The following SBNO2 variants were observed in gnomAD, a reference collection of about 807,000 sequenced individuals.
The protein encoded by SBNO2 is strawberry notch homolog 2.
In SBNO2, 89 loss-of-function variants were observed where a neutral mutation model predicts 146.3. The observed-to-expected ratio is 0.61, with a 90% CI of 0.51 to 0.73. The LOEUF (loss-of-function observed/expected upper bound fraction) is 0.73, where lower values mean the gene tolerates loss of function less well. Ranked by LOEUF, SBNO2 falls within the 30% of genes least tolerant of loss-of-function variation. The probability of loss-of-function intolerance (pLI) is 0.00; values close to 1 mark genes in which losing one functional copy is unlikely to be tolerated. For synonymous variants in SBNO2, 1,147 were observed against 892.6 expected (o/e 1.29, Z -5.08); for missense variants, 2,092 against 2,003.7 (o/e 1.04, Z -0.84).
intron 4 of SBNO2, among the ~76,000 whole-genome samples, chr19:1,130,431 G>A (rs1255510005): frequency 3.3e-5 from 5 of 152,144 alleles, no homozygotes; most frequent in African/African-American, 9.7e-5. Flanking sequence ...GGTCGAGGCT[G>A]CAGTGAGCTA....
At chr19:1,165,236 A>G (rs1156357621) in intron 1 of SBNO2, among the ~76,000 whole-genome samples, 7 of 152,138 alleles carry the variant, frequency 4.6e-5, no homozygotes, top group Admixed American at 4.6e-4. Context: ...CTGACCCCAC[A>G]GCCCCACCAG....
At chr19:1,128,263 T>C (rs1450887150) in intron 4 of SBNO2, 1 of 479,890 alleles carries the variant, frequency 2.1e-6, no homozygotes, top group Non-Finnish European at 4.1e-6. Context: ...GCAGCTCGGG[T>C]CTGGGGTGAG....
chr19:1,110,833 C>T lies in SBNO2; in HGVS notation c.2940G>A (p.Gln980=), dbSNP rs533099576. The change falls in exon 26 of 32, where the codon CAG becomes CAA. Residue 980 remains glutamine, a synonymous_variant. Transcript: ENST00000361757. The surrounding 1 kb of genome is among the most constrained non-coding windows in gnomAD (Gnocchi z 4.9). ...NRILGLEVHK[Q]NALFQYFSDT... ...CTGAGAAGTACTGGAACAGGGCGTT[C>T]TGCTTGTGCACCTCCAGCCCCAGGA... 6.2e-7 allele frequency: 1 copy of T among 1,613,710 alleles called. No homozygotes were observed. Among genetic ancestry groups the T allele is most frequent in the African/African-American group, 1.3e-5 (1 of 75,010 alleles).
chr19:1,117,430 A>G lies in SBNO2; in HGVS notation c.1597T>C (p.Trp533Arg), dbSNP rs1222720535. The change falls in exon 15 of 32, where the codon TGG (tryptophan) becomes CGG (arginine). Residue 533 changes from tryptophan (W) to arginine (R), a missense_variant. Physicochemically the swap from Trp to Arg is moderately radical, Grantham distance 101. Transcript: ENST00000361757. ...TGGTGTGCCGACCAGAACTGGCCCCACAGGGACTTGCGCGACTCCAGGCCG... is the reference window on the plus strand; with the variant it reads ...TGGTGTGCCGACCAGAACTGGCCCCGCAGGGACTTGCGCGACTCCAGGCCG... ...WIGLESRKSL[W>R]GQFWSAHQRF... 2.5e-6 allele frequency: 4 copies of G among 1,591,046 alleles called. No homozygotes were observed. Among genetic ancestry groups the G allele is most frequent in the Non-Finnish European group, 3.4e-6 (4 of 1,170,318 alleles).
In SBNO2 at chr19:1,119,746, G is replaced by A. The variant is rs933551996; in HGVS notation, c.1268-125C>T. 5 of 985,496 alleles carry A rather than the reference G, an allele frequency of 5.1e-6. No homozygotes were observed. The African/African-American group carries it at 6.4e-5, about 13-fold the overall frequency. 61.0% of individuals were successfully genotyped at this position (985,496 alleles called of 1,614,324 possible). A position where few individuals can be genotyped will look rare whatever the true frequency, so the allele number is the denominator to read the frequency against. On this transcript the variant is annotated intron_variant, in intron 12 of 31. Coordinates refer to ENST00000361757, the MANE Select transcript of SBNO2 (RefSeq NM_014963.3). ...GGTTGGAGCCATGGGCCTGAAGAGA[G>A]CCAGCGTGGCCTTGGGACAGGCGCA...
At chr19:1,129,791 A>C (rs901307315) in intron 4 of SBNO2, among the ~76,000 whole-genome samples, 14 of 152,122 alleles carry the variant, frequency 9.2e-5, no homozygotes, top group African/African-American at 3.1e-4. Context: ...CAGGGAGCGC[A>C]GGCAGAGCGG....
intron 6 of SBNO2, 102 bp downstream of exon 6, chr19:1,123,840 G>C: frequency 1.6e-6 from 2 of 1,286,828 alleles, no homozygotes; most frequent in African/African-American, 3.0e-5. Flanking sequence ...CCAGCTTCTA[G>C]GCCAGCCAAG....
chr19:1,117,358 C>T lies in SBNO2; in HGVS notation c.1669G>A (p.Val557Met). 6.3e-7 allele frequency: 1 copy of T among 1,580,534 alleles called. No homozygotes were observed. Among genetic ancestry groups the T allele is most frequent in the South Asian group, 1.2e-5 (1 of 85,950 alleles). ...GCCAGCTCCTCTCGGGCCAGCTCCACCAGCCGGCGCACCTTGGCTGCGATG... is the reference window on the plus strand; with the variant it reads ...GCCAGCTCCTCTCGGGCCAGCTCCATCAGCCGGCGCACCTTGGCTGCGATG... ...LCIAAKVRRL[V>M]ELAREELARD... The change falls in exon 15 of 32, where the codon GTG becomes ATG. Residue 557 changes from valine to methionine, a missense_variant. Coordinates refer to ENST00000361757, the MANE Select transcript of SBNO2 (RefSeq NM_014963.3).
intron 8 of SBNO2, 49 bp from the exon 9 acceptor site, chr19:1,122,840 C>T (rs1387216047): frequency 2.6e-6 from 4 of 1,537,966 alleles, no homozygotes; most frequent in African/African-American, 1.4e-5. Flanking sequence ...GGCCCGGCCC[C>T]TCCCCAGGGG....
In SBNO2 at chr19:1,149,414, T is replaced by C. The variant is rs893878800; in HGVS notation, c.122A>G (p.Asn41Ser). The part of the protein sequence containing the change: ...QSAMLHCPYW[N>S]TFSLPPYPAF... The stretch of plus-strand genomic sequence containing the variant: ...AGGGTATGGCGGCAGCGAGAAGGTG[T>C]TCCAGTAGGGGCAGTGCAGCATGGC... The change falls in exon 3 of 32, where the codon AAC (asparagine) becomes AGC (serine). Residue 41 changes from asparagine (N) to serine (S), a missense_variant. By Grantham distance (46) the Asn-to-Ser change is conservative. Coordinates refer to ENST00000361757, the MANE Select transcript of SBNO2 (RefSeq NM_014963.3). 78 of 1,552,054 alleles carry C rather than the reference T, an allele frequency of 5.0e-5. 1 individual carries two copies. Among genetic ancestry groups the C allele is most frequent in the Non-Finnish European group, 6.3e-5 (72 of 1,148,174 alleles).
rs2080299472 is a variant in SBNO2 at position 1,157,245 on chromosome 19, C to T, written c.-126-2843G>A. Among the ~76,000 whole-genome samples the T allele has an allele frequency of 6.6e-6, 1 of 151,954 alleles. No homozygotes were observed. The highest frequency in any genetic ancestry group is 2.4e-5 in the African/African-American group (1 of 41,420). ...GACCACGCCATGTCTCTGGGGCATC[C>T]AGCTGCCCCAATCCCCAGGATAAAC... On this transcript the variant is annotated intron_variant, in intron 1 of 31. Coordinates refer to ENST00000361757, the MANE Select transcript of SBNO2 (RefSeq NM_014963.3). The surrounding 1 kb of genome is among the most constrained non-coding windows in gnomAD (Gnocchi z 6.8).
At chr19:1,151,919 T>A (rs1445441588) in intron 2 of SBNO2, among the ~76,000 whole-genome samples, 1 of 152,184 alleles carries the variant, frequency 6.6e-6, no homozygotes, top group Non-Finnish European at 1.5e-5. Flanking sequence ...CACCTCGGCC[T>A]CCCAGAGTGC....
chr19:1,113,485 C>T, intron 19 of SBNO2, 50 bp downstream of exon 19: 1 of 1,469,190 alleles, frequency 6.8e-7, no homozygotes, highest in Non-Finnish European at 9.2e-7. Flanking sequence ...GAAGCCCCAC[C>T]CACTGCCCAT....
At position 1,157,906 on chromosome 19, in the gene SBNO2, GATAACT is replaced by G. The variant is rs1267663602; in HGVS notation, c.-126-3510_-126-3505del. On this transcript the variant is annotated intron_variant, in intron 1 of 31. Coordinates refer to ENST00000361757, the MANE Select transcript of SBNO2 (RefSeq NM_014963.3). This position sits in a 1 kb window ranked among gnomAD's most constrained non-coding sequence, Gnocchi z 6.8. ...CTCCCAGCTCTCTCTCCTGAGTCCG[GATAACT>G]GTCCGCCTCCCAGCTCTCTCCTGAG... Among the ~76,000 whole-genome samples the G allele has an allele frequency of 6.2e-5, 9 of 144,448 alleles. No homozygotes were observed. The highest frequency in any genetic ancestry group is 2.4e-4 in the African/African-American group (9 of 38,060). The allele number at this position is 144,448 out of a possible 152,430, so 94.8% of individuals were successfully genotyped here.
rs972359643 is a variant in SBNO2, at chr19:1,108,115, G to A, written c.*105C>T. ...TGAAGGCACTGCGGCCAGGGCCTAG[G>A]GCTCCTCTGAGCAGTGGTCAGGGGA... On this transcript the variant is annotated 3_prime_UTR_variant, in exon 32 of 32. Transcript: ENST00000361757. 1.2e-5 allele frequency: 15 copies of A among 1,254,796 alleles called. No homozygotes were observed. Among genetic ancestry groups the A allele is most frequent in the East Asian group, 3.9e-5 (1 of 25,680 alleles). The allele number at this position is 1,254,796 out of a possible 1,614,324, so 77.7% of individuals were successfully genotyped here. A position where few individuals can be genotyped will look rare whatever the true frequency, so the allele number is the denominator to read the frequency against.
At chr19:1,172,785 C>CCCCCCCCCCCCCA (rs1555730539) in intron 1 of SBNO2, among the ~76,000 whole-genome samples, 2 of 92,266 alleles carry the variant, frequency 2.2e-5, no homozygotes. Flanking sequence ...ACCGCCCCCC[C>CCCCCCCCCCCCCA]CGCCCCGGCA....
rs1568659815 is a variant in SBNO2 at position 1,172,786 on chromosome 19, C to CT, written c.-127+1385_-127+1386insA. Among the ~76,000 whole-genome samples, 7 of 93,422 alleles carry CT rather than the reference C, an allele frequency of 7.5e-5. 2 individuals are homozygous for CT. The highest frequency in any genetic ancestry group is 7.5e-4 in the East Asian group (2 of 2,650). The allele number at this position is 93,422 out of a possible 152,430, so 61.3% of individuals were successfully genotyped here. On this transcript the variant is annotated intron_variant, in intron 1 of 31. Transcript: ENST00000361757. ...AAACACTCACTGCAACCGCCCCCCC[C>CT]GCCCCGGCAAACTGGCAGCCAGCAT... is the stretch of plus-strand genomic sequence containing the variant.
At chr19:1,166,305 T>C (rs1041770607) in intron 1 of SBNO2, among the ~76,000 whole-genome samples, 9 of 151,952 alleles carry the variant, frequency 5.9e-5, no homozygotes, top group African/African-American at 1.7e-4. Context: ...ACACAAATGC[T>C]TATGCGGAAA....
At chr19:1,154,062 C>G (rs926879660) in intron 2 of SBNO2, 122 bp downstream of exon 2, 5 of 444,420 alleles carry the variant, frequency 1.1e-5, no homozygotes, top group Non-Finnish European at 1.8e-5. Flanking sequence ...CCAGGAAGGT[C>G]AGGTGGAGAT....
Sources: gnomAD v4.1 joint callset for allele counts (sites outside exome capture counted in the v4.1 genomes callset) on GRCh38, gnomAD v4.1.1 for gene constraint, Gnocchi (gnomAD v3.1) non-coding constraint, MANE v1.5 for transcripts, NCBI Gene and HGNC (gene_info 2026-07-23, HGNC 2026-07-21) for gene names.